TNFSF4: variants seen among roughly 807,000 people sequenced by gnomAD.
TNFSF4 encodes the protein TNF superfamily member 4, also known as tumor necrosis factor ligand superfamily member 4.
A neutral mutation model predicts 7.3 loss-of-function variants in TNFSF4; 4 were observed. That is an observed-to-expected ratio of 0.55 (90% CI 0.27 to 1.25). TNFSF4 has a LOEUF of 1.25. Among genes scored for constraint, TNFSF4 ranks in the 50% most tolerant of loss-of-function variants. The pLI is 0.12. For missense variants in TNFSF4, 181 were observed against 208.8 expected, an observed-to-expected ratio of 0.87 and a Z score of 0.82; for synonymous variants, 76 against 83.7, an observed-to-expected ratio of 0.91 and a Z score of 0.50.
downstream of TNFSF4, among the ~76,000 whole-genome samples, chr1:173,180,663 TGTTTGC>T (rs1226158127): frequency 6.6e-6 from 1 of 152,188 alleles, no homozygotes; most frequent in African/African-American, 2.4e-5. Context: ...AGAAGAAGTG[TGTTTGC>T]GTCAGTGTTC....
chr1:173,204,680 A>T (rs11808060), intron 1 of TNFSF4, among the ~76,000 whole-genome samples: 22,390 of 152,116 alleles, frequency 0.15, 2,049 homozygotes, highest in Middle Eastern at 0.28. Flanking sequence ...TCCAATACAC[A>T]TCACTGTAAC....
chr1:173,211,304 C>A (rs1050158450), upstream of TNFSF4, among the ~76,000 whole-genome samples: 5 of 152,324 alleles, frequency 3.3e-5, no homozygotes, highest in East Asian at 9.6e-4. Context: ...GCCTTTTCAA[C>A]CTATTCCTGA....
chr1:173,328,159 G>A, the TNFSF4 span, among the ~76,000 whole-genome samples: 7 of 151,976 alleles, frequency 4.6e-5, no homozygotes, highest in African/African-American at 1.5e-4. Flanking sequence ...ATACACCATG[G>A]AATACTATGC....
chr1:173,359,564 C>T, the TNFSF4 span, among the ~76,000 whole-genome samples: 13 of 144,198 alleles, frequency 9.0e-5, no homozygotes, highest in South Asian at 2.4e-3. Context: ...ACTTCCTTAG[C>T]CATCCAATGG....
the TNFSF4 span, among the ~76,000 whole-genome samples, chr1:173,445,595 A>T: frequency 2.6e-5 from 4 of 152,162 alleles, no homozygotes; most frequent in Non-Finnish European, 5.9e-5. Flanking sequence ...AGAGTACTGG[A>T]GTAAGTCAGT....
the TNFSF4 span, among the ~76,000 whole-genome samples, chr1:173,214,574 C>T: frequency 1.3e-5 from 2 of 151,960 alleles, no homozygotes; most frequent in Non-Finnish European, 2.9e-5. Context: ...CTAATGATAG[C>T]TAATGAGCTA....
chr1:173,348,456 T>G, the TNFSF4 span, among the ~76,000 whole-genome samples: 2 of 152,186 alleles, frequency 1.3e-5, no homozygotes, highest in African/African-American at 4.8e-5. Flanking sequence ...CAGGTATGTC[T>G]TTATCAGTAG....
At chr1:173,274,641 T>G in the TNFSF4 span, among the ~76,000 whole-genome samples, 1 of 152,058 alleles carries the variant, frequency 6.6e-6, no homozygotes, top group African/African-American at 2.4e-5. Flanking sequence ...ACATGAGCCC[T>G]TTAAAAGCAG....
At chr1:173,180,011 C>A (rs1273799093), downstream of TNFSF4, among the ~76,000 whole-genome samples, 2 of 152,128 alleles carry the variant, frequency 1.3e-5, no homozygotes, top group South Asian at 4.1e-4. Flanking sequence ...AGAGACCTTG[C>A]CTCTTTCCAA....
the TNFSF4 span, among the ~76,000 whole-genome samples, chr1:173,309,765 A>T: frequency 1.3e-5 from 2 of 151,840 alleles, no homozygotes; most frequent in Non-Finnish European, 2.9e-5. Flanking sequence ...ATTATTTCTT[A>T]CTTAAACATT....
chr1:173,338,020 G>A, the TNFSF4 span, among the ~76,000 whole-genome samples: 573 of 152,228 alleles, frequency 3.8e-3, 3 homozygotes, highest in Non-Finnish European at 3.9e-3. Flanking sequence ...GAAAAAACAG[G>A]CCATAGTGGC....
chr1:173,207,302 G>C lies in TNFSF4; in HGVS notation c.-126C>G. ...GCCTATCAATCAGAAAATAGGCAAA[G>C]GTCCCAGGGCCAGAGATAAAAGGCG... On this transcript the variant is annotated 5_prime_UTR_variant, in exon 1 of 3. Coordinates refer to ENST00000281834, the MANE Select transcript of TNFSF4 (RefSeq NM_003326.5). The C allele has an allele frequency of 1.2e-6, 1 of 838,970 alleles. No homozygotes were observed. Among genetic ancestry groups the C allele is most frequent in the South Asian group, 2.4e-5 (1 of 40,960 alleles). 52.0% of individuals were successfully genotyped at this position (838,970 alleles called of 1,614,324 possible).
the TNFSF4 span, among the ~76,000 whole-genome samples, chr1:173,322,517 T>C: frequency 1.3e-5 from 2 of 152,048 alleles, no homozygotes; most frequent in African/African-American, 4.8e-5. Context: ...TTCATCTCAC[T>C]GGGGAGTGCT....
At chr1:173,350,193 C>T in the TNFSF4 span, among the ~76,000 whole-genome samples, 6 of 152,256 alleles carry the variant, frequency 3.9e-5, no homozygotes, top group East Asian at 3.9e-4. Flanking sequence ...TTTATTGAAG[C>T]TTGGTTTTGC....
At chr1:173,349,610 G>A in the TNFSF4 span, among the ~76,000 whole-genome samples, 1 of 152,088 alleles carries the variant, frequency 6.6e-6, no homozygotes, top group Non-Finnish European at 1.5e-5. Context: ...CAATGCCTTG[G>A]TTAAACTCAA....
intron 1 of TNFSF4, 30 bp downstream of exon 1, chr1:173,206,994 G>A: frequency 3.8e-6 from 6 of 1,573,118 alleles, no homozygotes; most frequent in Non-Finnish European, 5.2e-6. Flanking sequence ...ATGAGCTGGT[G>A]GGAAAACAGC....
At chr1:173,242,954 A>G in the TNFSF4 span, among the ~76,000 whole-genome samples, 1 of 136,420 alleles carries the variant, frequency 7.3e-6, no homozygotes, top group Admixed American at 8.4e-5. Context: ...CCTAATTTTG[A>G]AACAGTTTCT....
At chr1:173,318,512 G>GA in the TNFSF4 span, among the ~76,000 whole-genome samples, 1 of 152,054 alleles carries the variant, frequency 6.6e-6, no homozygotes, top group Admixed American at 6.5e-5. Flanking sequence ...GAAGAGAATG[G>GA]AAAATTCACA....
chr1:173,337,335 T>C, the TNFSF4 span, among the ~76,000 whole-genome samples: 1 of 152,174 alleles, frequency 6.6e-6, no homozygotes, highest in Non-Finnish European at 1.5e-5. Context: ...GGCTGTTATC[T>C]GACCCACCAA....
Sources: gnomAD v4.1 joint callset for allele counts (sites outside exome capture counted in the v4.1 genomes callset) on GRCh38, gnomAD v4.1.1 for gene constraint, MANE v1.5 for transcripts, NCBI Gene and HGNC (gene_info 2026-07-23, HGNC 2026-07-21) for gene names.